The following FSTL4 variants were observed in gnomAD, a reference collection of about 807,000 sequenced individuals.
FSTL4 encodes follistatin like 4.
A neutral mutation model predicts 78.2 loss-of-function variants in FSTL4; 28 were observed. The observed-to-expected ratio is 0.36, with a 90% confidence interval of 0.27 to 0.49. FSTL4 has a LOEUF of 0.49. Among genes scored for constraint, FSTL4 ranks in the 20% least tolerant of loss-of-function variants. FSTL4 has a pLI of 0.98. For synonymous variants in FSTL4, 422 were observed against 440.5 expected (o/e 0.96, Z 0.53); for missense variants, 922 against 1,084.9 (o/e 0.85, Z 2.11).
chr5:133,240,551 C>T (rs1005030403), intron 7 of FSTL4, among the ~76,000 whole-genome samples: 1 of 152,174 alleles, frequency 6.6e-6, no homozygotes, highest in East Asian at 1.9e-4. Flanking sequence ...GGGAGAGCAC[C>T]TGGTTCTTCC....
intron 11 of FSTL4, among the ~76,000 whole-genome samples, chr5:133,223,108 C>T (rs1405732482): frequency 6.6e-6 from 1 of 152,204 alleles, no homozygotes; most frequent in East Asian, 1.9e-4. Context: ...GTAGTAACCT[C>T]CCCTAAGGAA....
At chr5:133,272,295 T>C (rs946333917) in intron 6 of FSTL4, among the ~76,000 whole-genome samples, 1 of 152,208 alleles carries the variant, frequency 6.6e-6, no homozygotes, top group African/African-American at 2.4e-5. Flanking sequence ...CAAGAAGCAA[T>C]AGCTCTTGTA....
chr5:133,254,003 C>T (rs1197972730), intron 6 of FSTL4, among the ~76,000 whole-genome samples: 2 of 151,982 alleles, frequency 1.3e-5, no homozygotes, highest in Non-Finnish European at 1.5e-5. Context: ...TTTCTGGGAC[C>T]CTGAAGTTTT....
chr5:133,491,195 T>C (rs1056322558), intron 3 of FSTL4, among the ~76,000 whole-genome samples: 1 of 152,228 alleles, frequency 6.6e-6, no homozygotes, highest in African/African-American at 2.4e-5. Context: ...TATCCCATTA[T>C]TGTAGATTGT....
chr5:133,505,448 C>G (rs959256363), intron 3 of FSTL4, among the ~76,000 whole-genome samples: 1 of 152,180 alleles, frequency 6.6e-6, no homozygotes, highest in African/African-American at 2.4e-5. Context: ...GTCTGTGTCC[C>G]AGAAGGTGCC....
At chr5:133,680,803 G>C in the FSTL4 span, among the ~76,000 whole-genome samples, 338 of 152,328 alleles carry the variant, frequency 2.2e-3, no homozygotes, top group African/African-American at 7.7e-3. Flanking sequence ...GCTGCCATCT[G>C]CAAGGACTTA....
chr5:133,597,665 C>T (rs1760765367), intron 2 of FSTL4, among the ~76,000 whole-genome samples: 1 of 152,164 alleles, frequency 6.6e-6, no homozygotes. Context: ...CTAACTGGTA[C>T]AGTGTGGAAG....
At chr5:133,666,436 A>G in the FSTL4 span, among the ~76,000 whole-genome samples, 2 of 152,162 alleles carry the variant, frequency 1.3e-5, no homozygotes, top group Admixed American at 6.5e-5. Flanking sequence ...CCAACGTTGT[A>G]TTTCTGTAGT....
intron 4 of FSTL4, among the ~76,000 whole-genome samples, chr5:133,368,587 T>C (rs192679212): frequency 1.3e-5 from 2 of 152,306 alleles, no homozygotes; most frequent in East Asian, 1.9e-4. Context: ...CCAACCTCTG[T>C]AGAAACTAAG....
the FSTL4 span, among the ~76,000 whole-genome samples, chr5:133,752,648 T>C: frequency 6.6e-6 from 1 of 151,970 alleles, no homozygotes; most frequent in African/African-American, 2.4e-5. Flanking sequence ...TTAAATTAAA[T>C]TAAAGGGCTT....
At chr5:133,666,449 G>A in the FSTL4 span, among the ~76,000 whole-genome samples, 1 of 152,142 alleles carries the variant, frequency 6.6e-6, no homozygotes, top group Non-Finnish European at 1.5e-5. Flanking sequence ...TCTGTAGTTT[G>A]GAATAAGGAC....
intron 3 of FSTL4, among the ~76,000 whole-genome samples, chr5:133,495,890 C>T (rs1758358990): frequency 6.6e-6 from 1 of 152,180 alleles, no homozygotes; most frequent in Non-Finnish European, 1.5e-5. Flanking sequence ...AGACACTAGG[C>T]TGTGAGGACA....
intron 1 of FSTL4, among the ~76,000 whole-genome samples, chr5:133,605,916 G>C (rs953139818): frequency 1.2e-4 from 19 of 152,184 alleles, no homozygotes; most frequent in African/African-American, 4.6e-4. Context: ...GAGTTGAGTG[G>C]AATAATGCCG....
the FSTL4 span, among the ~76,000 whole-genome samples, chr5:133,723,585 A>T: frequency 2.6e-5 from 4 of 152,128 alleles, no homozygotes; most frequent in Non-Finnish European, 5.9e-5. Context: ...CTCCTCAGAG[A>T]GGTGGCGTGC....
intron 7 of FSTL4, among the ~76,000 whole-genome samples, chr5:133,241,196 T>G (rs1389597158): frequency 2.6e-5 from 4 of 152,260 alleles, no homozygotes; most frequent in African/African-American, 9.6e-5. Flanking sequence ...CTGACTTTAA[T>G]CTGTACTCTT....
At chr5:133,812,551 GGCT>G in the FSTL4 span, among the ~76,000 whole-genome samples, 1 of 129,090 alleles carries the variant, frequency 7.7e-6, no homozygotes, top group East Asian at 2.2e-4. Flanking sequence ...CTGCATGATG[GGCT>G]TCTTCTTGTC....
the FSTL4 span, among the ~76,000 whole-genome samples, chr5:133,635,749 C>T: frequency 6.6e-6 from 1 of 151,934 alleles, no homozygotes; most frequent in Non-Finnish European, 1.5e-5. Flanking sequence ...GGTGACAGAG[C>T]GAGACTCCAT....
the FSTL4 span, among the ~76,000 whole-genome samples, chr5:133,732,848 G>A: frequency 6.6e-6 from 1 of 152,210 alleles, no homozygotes; most frequent in African/African-American, 2.4e-5. Flanking sequence ...CACCTGAGGT[G>A]GCTCAGAGTA....
intron 4 of FSTL4, among the ~76,000 whole-genome samples, chr5:133,325,164 C>T (rs150108827): frequency 3.9e-5 from 6 of 152,192 alleles, no homozygotes; most frequent in African/African-American, 9.7e-5. Flanking sequence ...GCCAGCTGAG[C>T]GCCCTGTGCT....
Sources: gnomAD v4.1 joint callset for allele counts (sites outside exome capture counted in the v4.1 genomes callset) on GRCh38, gnomAD v4.1.1 for gene constraint, MANE v1.5 for transcripts, NCBI Gene and HGNC (gene_info 2026-07-23, HGNC 2026-07-21) for gene names.